PACS2: variants seen among roughly 807,000 people sequenced by gnomAD.
PACS2 encodes phosphofurin acidic cluster sorting protein 2.
PACS2 carries 36 observed loss-of-function variants against 113.0 expected under a neutral mutation model. The observed-to-expected ratio is 0.32, with a 90% CI of 0.24 to 0.42. The LOEUF (loss-of-function observed/expected upper bound fraction) is 0.42. Ranked by LOEUF, PACS2 falls within the 10% of genes least tolerant of loss-of-function variation. The pLI is 1.00. For missense variants in PACS2, 1,015 were observed against 1,239.5 expected, an observed-to-expected ratio of 0.82 and a Z score of 2.72; for synonymous variants, 589 against 536.1, an observed-to-expected ratio of 1.10 and a Z score of -1.36.
chr14:105,329,104 C>T lies in PACS2; in HGVS notation c.119+14067C>T, dbSNP rs375205890. ...GAGGACTCCCTGGAGGCTGGCCCTG[C>T]GCCCTGGAGGCCAGCATGGCCCTGG... On this transcript the variant is annotated intron_variant, in intron 1 of 24. Coordinates refer to ENST00000447393, the MANE Select transcript of PACS2 (RefSeq NM_001100913.3). The surrounding 1 kb of genome is among the most constrained non-coding windows in gnomAD (Gnocchi z 6.4). Among the ~76,000 whole-genome samples, 46 of 152,314 alleles carry T rather than the reference C, an allele frequency of 3.0e-4. No homozygotes were observed. The South Asian group carries it at 8.1e-3, about 27-fold the overall frequency.
chr14:105,369,655 C>T (rs1555408851), intron 7 of PACS2, among the ~76,000 whole-genome samples, 186 bp from the exon 8 acceptor site: 1 of 152,238 alleles, frequency 6.6e-6, no homozygotes, highest in African/African-American at 2.4e-5. Context: ...AGGAATGGAA[C>T]TGTCAGACCT....
intron 1 of PACS2, among the ~76,000 whole-genome samples, chr14:105,318,957 G>T (rs1176284517): frequency 1.3e-5 from 2 of 149,282 alleles, no homozygotes; most frequent in African/African-American, 5.0e-5. Context: ...ACCACGCCCT[G>T]CCTATTTTAT....
At chr14:105,352,955 G>A in intron 3 of PACS2, among the ~76,000 whole-genome samples, 1 of 131,374 alleles carries the variant, frequency 7.6e-6, no homozygotes, top group Admixed American at 7.5e-5. Context: ...AGTGTCCCCT[G>A]GGGAGACGGG....
intron 1 of PACS2, among the ~76,000 whole-genome samples, chr14:105,331,970 TGTG>T (rs1475558237): frequency 6.6e-6 from 1 of 152,208 alleles, no homozygotes; most frequent in Non-Finnish European, 1.5e-5. Context: ...TGGCCTCTGT[TGTG>T]GTTTTGAGGA....
intron 4 of PACS2, among the ~76,000 whole-genome samples, chr14:105,359,590 T>TC (rs1234692667): frequency 8.6e-5 from 12 of 138,814 alleles, no homozygotes; most frequent in African/African-American, 2.6e-4. Context: ...TTTCTTTCTT[T>TC]TTTTTTTTTT....
chr14:105,397,990 TGTTTG>T lies in PACS2; in HGVS notation c.*3323_*3327del, dbSNP rs1434934503. ...GACCCCCATGCGGTTCATTGTGCAT[TGTTTG>T]GTTTCTAGGATGTATGTGTTGCTAG... On this transcript the variant is annotated 3_prime_UTR_variant, in exon 25 of 25. Transcript: ENST00000447393. 2.6e-5 allele frequency: 4 copies of T among 152,228 alleles called. No homozygotes were observed. The highest frequency in any genetic ancestry group is 9.6e-5 in the African/African-American group (4 of 41,458). 9.4% of individuals were successfully genotyped at this position (152,228 alleles called of 1,614,324 possible).
chr14:105,367,416 A>G, intron 5 of PACS2, 41 bp downstream of exon 5: 9 of 1,593,794 alleles, frequency 5.6e-6, no homozygotes, highest in Non-Finnish European at 7.7e-6. Flanking sequence ...TGCTGTGGGG[A>G]GGCCCTGCCT....
intron 1 of PACS2, among the ~76,000 whole-genome samples, chr14:105,337,122 G>C (rs2059556353): frequency 6.6e-6 from 1 of 152,244 alleles, no homozygotes; most frequent in Non-Finnish European, 1.5e-5. Flanking sequence ...ATGGACACAG[G>C]CTGCAACGTG....
chr14:105,302,204 C>CTTT (rs1274491955), intron 1 of PACS2, among the ~76,000 whole-genome samples: 1 of 132,786 alleles, frequency 7.5e-6, no homozygotes, highest in Non-Finnish European at 1.6e-5. Flanking sequence ...TTTTTTCTTT[C>CTTT]TTTTTTTTTT....
At chr14:105,327,549 GCT>G (rs1303589599) in intron 1 of PACS2, among the ~76,000 whole-genome samples, 7 of 152,218 alleles carry the variant, frequency 4.6e-5, no homozygotes, top group African/African-American at 1.4e-4. Context: ...TGCCGCTAGC[GCT>G]CGGAGCCTGT....
At chr14:105,369,736 C>T in intron 7 of PACS2, 105 bp from the exon 8 acceptor site, 3 of 941,122 alleles carry the variant, frequency 3.2e-6, no homozygotes, top group Admixed American at 4.2e-5. Context: ...GGCCTTGCTG[C>T]TCTCCCACGG....
intron 9 of PACS2, 129 bp from the exon 10 acceptor site, chr14:105,379,610 C>G: frequency 1.4e-6 from 1 of 735,890 alleles, no homozygotes; most frequent in African/African-American, 1.7e-5. Flanking sequence ...GGGCTCTTCT[C>G]TGGACCCAGC....
At chr14:105,375,937 G>A (rs587774355) in intron 8 of PACS2, among the ~76,000 whole-genome samples, 1 of 152,322 alleles carries the variant, frequency 6.6e-6, no homozygotes, top group South Asian at 2.1e-4. Context: ...AAAGGAAAGA[G>A]GTTTAGTTGA....
chr14:105,322,995 C>G (rs192060615), intron 1 of PACS2, among the ~76,000 whole-genome samples: 2 of 152,274 alleles, frequency 1.3e-5, no homozygotes, highest in Non-Finnish European at 2.9e-5. Context: ...CCAGGCAGGG[C>G]GTCCCTGGCT....
intron 1 of PACS2, among the ~76,000 whole-genome samples, chr14:105,335,693 C>A (rs2059489734): frequency 6.6e-6 from 1 of 152,214 alleles, no homozygotes; most frequent in African/African-American, 2.4e-5. Context: ...CCTCCTTGGC[C>A]CTGACCACTG....
chr14:105,347,304 A>G (rs2059977156), intron 1 of PACS2, among the ~76,000 whole-genome samples: 1 of 151,848 alleles, frequency 6.6e-6, no homozygotes, highest in Admixed American at 6.6e-5. Context: ...GTACCCATCC[A>G]GTGCTCCCGT....
chr14:105,370,267 C>T, intron 8 of PACS2: 1 of 166,218 alleles, frequency 6.0e-6, no homozygotes, highest in African/African-American at 2.4e-5. Flanking sequence ...GGACCCCTCC[C>T]CACCTGACAG....
chr14:105,382,837 C>T lies in PACS2; in HGVS notation c.1549C>T (p.Leu517Phe). 6.2e-7 allele frequency: 1 copy of T among 1,606,394 alleles called. No individual in the cohort carries two copies. The highest frequency in any genetic ancestry group is 1.3e-5 in the African/African-American group (1 of 75,014). ...FLSDVLQRHT[L>F]PVVCTCSPAD... The stretch of plus-strand genomic sequence containing the variant: ...CTCCGACGTCCTGCAGAGGCACACG[C>T]TCCCCGTGGTGTGCACGTGCTCTCC... The change falls in exon 15 of 25, where the codon CTC (leucine) becomes TTC (phenylalanine). Residue 517 changes from leucine (L) to phenylalanine (F), a missense_variant. Leu to Phe is a conservative substitution (Grantham distance 22). Transcript: ENST00000447393.
At chr14:105,390,743 G>C in intron 20 of PACS2, 1 of 194,544 alleles carries the variant, frequency 5.1e-6, no homozygotes, top group Non-Finnish European at 1.1e-5. Context: ...TGCCCAAAGA[G>C]CTTTCTCCGG....
Sources: gnomAD v4.1 joint callset for allele counts (sites outside exome capture counted in the v4.1 genomes callset) on GRCh38, gnomAD v4.1.1 for gene constraint, Gnocchi (gnomAD v3.1) non-coding constraint, MANE v1.5 for transcripts, NCBI Gene and HGNC (gene_info 2026-07-23, HGNC 2026-07-21) for gene names.